The following IMMP2L variants were observed in gnomAD, a reference collection of about 807,000 sequenced individuals.
IMMP2L encodes inner mitochondrial membrane peptidase subunit 2.
IMMP2L carries 18 observed loss-of-function variants against 19.3 expected under a neutral mutation model. That is an observed-to-expected ratio of 0.93 (90% confidence interval 0.64 to 1.38). The LOEUF is 1.38. IMMP2L is among the 40% of genes most tolerant of loss of function. The pLI, the probability that IMMP2L is intolerant of heterozygous loss-of-function variation, is 0.00. For missense variants in IMMP2L, 233 were observed against 218.2 expected, an observed-to-expected ratio of 1.07 and a Z score of -0.43; for synonymous variants, 76 against 73.0, an observed-to-expected ratio of 1.04 and a Z score of -0.21.
At chr7:111,438,992 A>T (rs2131764612) in intron 3 of IMMP2L, among the ~76,000 whole-genome samples, 1 of 151,978 alleles carries the variant, frequency 6.6e-6, no homozygotes. Context: ...TTGCATGCAA[A>T]TGACAACATT....
intron 3 of IMMP2L, among the ~76,000 whole-genome samples, chr7:111,051,357 A>C (rs1455786658): frequency 6.6e-6 from 1 of 152,226 alleles, no homozygotes; most frequent in Non-Finnish European, 1.5e-5. Context: ...GAAAGTCTTC[A>C]GGAAACTATC....
At position 110,989,487 on chromosome 7, in the gene IMMP2L, T is replaced by C. The variant is rs906321579; in HGVS notation, c.240-25922A>G. Among the ~76,000 whole-genome samples the C allele has an allele frequency of 6.8e-5, 9 of 132,806 alleles. No homozygotes were observed. The Admixed American group carries it at 7.4e-4, about 11-fold the overall frequency. 87.1% of individuals were successfully genotyped at this position (132,806 alleles called of 152,430 possible). A position where few individuals can be genotyped will look rare whatever the true frequency, so the allele number is the denominator to read the frequency against. ...AGGTGAGCCTAGGAGGTCAAGGATG[T>C]AGTGAGCACTCCAGCCTGGGCAACA... On this transcript the variant is annotated intron_variant, in intron 3 of 5. Transcript: ENST00000405709.
intron 1 of IMMP2L, among the ~76,000 whole-genome samples, chr7:111,538,138 A>C (rs1848061292): frequency 6.6e-6 from 1 of 152,034 alleles, no homozygotes; most frequent in South Asian, 2.1e-4. Flanking sequence ...CCTTACCCCT[A>C]ATCAGTTGTG....
At chr7:111,098,939 A>G (rs964168479) in intron 3 of IMMP2L, among the ~76,000 whole-genome samples, 3 of 151,744 alleles carry the variant, frequency 2.0e-5, no homozygotes, top group Non-Finnish European at 4.4e-5. Flanking sequence ...GTTTCATATC[A>G]TGCATTCTGC....
chr7:111,525,512 G>A (rs1408390153), intron 1 of IMMP2L, among the ~76,000 whole-genome samples: 1 of 152,222 alleles, frequency 6.6e-6, no homozygotes, highest in East Asian at 1.9e-4. Flanking sequence ...GGACAAAAAT[G>A]GATATAGGGA....
intron 5 of IMMP2L, among the ~76,000 whole-genome samples, chr7:110,767,057 C>T (rs1798712403): frequency 6.6e-6 from 1 of 152,156 alleles, no homozygotes. Flanking sequence ...ACTTCAGAGT[C>T]ATTACAATGC....
At chr7:111,153,819 C>A (rs558631019) in intron 3 of IMMP2L, among the ~76,000 whole-genome samples, 1 of 152,170 alleles carries the variant, frequency 6.6e-6, no homozygotes, top group South Asian at 2.1e-4. Flanking sequence ...AATGACTGCT[C>A]ATATCCATTC....
At chr7:110,794,661 G>T (rs1163055187) in intron 5 of IMMP2L, among the ~76,000 whole-genome samples, 1 of 151,922 alleles carries the variant, frequency 6.6e-6, no homozygotes, top group Non-Finnish European at 1.5e-5. Flanking sequence ...CACAGTATAT[G>T]ACTATTGCTA....
At chr7:110,766,374 T>C (rs945543470) in intron 5 of IMMP2L, among the ~76,000 whole-genome samples, 5 of 152,010 alleles carry the variant, frequency 3.3e-5, no homozygotes, top group African/African-American at 1.2e-4. Context: ...GCAGATCACT[T>C]GAGGTCAGGA....
intron 2 of IMMP2L, among the ~76,000 whole-genome samples, chr7:111,509,641 C>CAT (rs1845262274): frequency 6.6e-6 from 1 of 152,112 alleles, no homozygotes; most frequent in Non-Finnish European, 1.5e-5. Flanking sequence ...AGTATTGTTA[C>CAT]ATGAAACTTT....
chr7:111,468,125 C>T (rs182198045), intron 3 of IMMP2L, among the ~76,000 whole-genome samples: 120 of 152,200 alleles, frequency 7.9e-4, no homozygotes, highest in Middle Eastern at 3.4e-3. Flanking sequence ...TTACTTTTTA[C>T]TTACATTAGT....
At chr7:111,487,490 T>C (rs1457843667) in intron 2 of IMMP2L, 149 bp from the exon 3 acceptor site, 13 of 515,030 alleles carry the variant, frequency 2.5e-5, no homozygotes, top group Non-Finnish European at 3.8e-5. Flanking sequence ...CTGCAAATGA[T>C]GAGTTTTCAA....
chr7:111,559,351 C>T (rs1791749423), intron 1 of IMMP2L, among the ~76,000 whole-genome samples: 1 of 152,136 alleles, frequency 6.6e-6, no homozygotes, highest in Admixed American at 6.5e-5. Context: ...TATTGTAATC[C>T]TTATAAACCA....
chr7:111,388,477 G>A (rs1457162292), intron 3 of IMMP2L, among the ~76,000 whole-genome samples: 2 of 151,944 alleles, frequency 1.3e-5, no homozygotes, highest in Non-Finnish European at 2.9e-5. Context: ...GATAGATGGA[G>A]ATGTATATGT....
chr7:111,090,511 A>G (rs1435493088), intron 3 of IMMP2L, among the ~76,000 whole-genome samples: 1 of 152,108 alleles, frequency 6.6e-6, no homozygotes, highest in Non-Finnish European at 1.5e-5. Flanking sequence ...CATATTTTTA[A>G]AAAGTACCCC....
intron 3 of IMMP2L, among the ~76,000 whole-genome samples, chr7:111,470,126 GCTCATCATCA>G (rs1410238864): frequency 6.6e-6 from 1 of 152,142 alleles, no homozygotes; most frequent in Non-Finnish European, 1.5e-5. Flanking sequence ...ATGAAAAAAT[GCTCATCATCA>G]CTGGCCATCA....
chr7:111,527,937 A>C (rs1378621869), intron 1 of IMMP2L, among the ~76,000 whole-genome samples: 1 of 152,012 alleles, frequency 6.6e-6, no homozygotes, highest in Non-Finnish European at 1.5e-5. Flanking sequence ...AGTGGTTGCT[A>C]TTTTCAGAGG....
chr7:111,005,990 C>G (rs1315079452), intron 3 of IMMP2L, among the ~76,000 whole-genome samples: 3 of 151,978 alleles, frequency 2.0e-5, no homozygotes, highest in Non-Finnish European at 4.4e-5. Flanking sequence ...GCCATGGGCC[C>G]CTTGGTCAAG....
chr7:111,309,498 T>G (rs919113789), intron 3 of IMMP2L, among the ~76,000 whole-genome samples: 1 of 152,128 alleles, frequency 6.6e-6, no homozygotes, highest in Non-Finnish European at 1.5e-5. Context: ...TACTATGTGG[T>G]ATCTCCCTGG....
Sources: allele counts gnomAD v4.1 joint callset (sites outside exome capture counted in the v4.1 genomes callset), GRCh38; gene constraint gnomAD v4.1.1; transcripts MANE v1.5; gene names NCBI Gene and HGNC (gene_info 2026-07-23, HGNC 2026-07-21).